The following FOXO1 variants were observed in gnomAD, a reference collection of about 807,000 sequenced individuals.
FOXO1 encodes the protein forkhead box protein O1.
Under a neutral mutation model 44.1 loss-of-function variants are expected in FOXO1, and 6 were observed. That is an observed-to-expected ratio of 0.14 (90% CI 0.07 to 0.27). FOXO1 has a LOEUF of 0.27. FOXO1 is among the 10% of genes least tolerant of loss of function. The pLI is 1.00. For missense variants in FOXO1, 737 were observed against 888.8 expected, an observed-to-expected ratio of 0.83 and a Z score of 2.17; for synonymous variants, 380 against 362.7, an observed-to-expected ratio of 1.05 and a Z score of -0.54.
chr13:40,556,882 T>C lies in FOXO1; in HGVS notation c.*2167A>G, dbSNP rs746707668. 5.3e-5 allele frequency: 8 copies of C among 152,296 alleles called. No individual in the cohort carries two copies. The highest frequency in any genetic ancestry group is 1.9e-4 in the East Asian group (1 of 5,184). 9.4% of individuals were successfully genotyped at this position (152,296 alleles called of 1,614,324 possible). Reference sequence around the variant, plus strand: ...GGAGGAAAGTGACAGTACGTAGTAATAGAAATTAGTACACAAGTACTTTGG... The same window carrying C: ...GGAGGAAAGTGACAGTACGTAGTAACAGAAATTAGTACACAAGTACTTTGG... On this transcript the variant is annotated 3_prime_UTR_variant, in exon 3 of 3. Coordinates refer to ENST00000379561, the MANE Select transcript of FOXO1 (RefSeq NM_002015.4).
chr13:40,633,739 A>G (rs1877052349), intron 1 of FOXO1, among the ~76,000 whole-genome samples: 1 of 152,218 alleles, frequency 6.6e-6, no homozygotes, highest in Non-Finnish European at 1.5e-5. Context: ...TTAAGTGGGT[A>G]AACTGTTATG....
At chr13:40,621,892 A>G (rs1411189938) in intron 1 of FOXO1, among the ~76,000 whole-genome samples, 1 of 152,206 alleles carries the variant, frequency 6.6e-6, no homozygotes, top group East Asian at 1.9e-4. Context: ...AGGTTAAAAT[A>G]TTCAGTGTAC....
chr13:40,612,037 C>A (rs1427778412), intron 1 of FOXO1, among the ~76,000 whole-genome samples: 1 of 152,148 alleles, frequency 6.6e-6, no homozygotes, highest in East Asian at 1.9e-4. Flanking sequence ...CCACTGCACT[C>A]CAGCGTGGGA....
intron 1 of FOXO1, among the ~76,000 whole-genome samples, chr13:40,608,791 T>G (rs1038508340): frequency 6.6e-6 from 1 of 152,224 alleles, no homozygotes; most frequent in African/African-American, 2.4e-5. Flanking sequence ...ACAAATGTTA[T>G]CCTTTCAGTG....
intron 1 of FOXO1, among the ~76,000 whole-genome samples, chr13:40,574,707 G>A (rs577840087): frequency 2.6e-5 from 4 of 152,248 alleles, no homozygotes; most frequent in East Asian, 3.9e-4. Context: ...TGATTACTGA[G>A]AAAACTAATT....
intron 1 of FOXO1, among the ~76,000 whole-genome samples, chr13:40,564,201 G>A (rs1176391556): frequency 6.6e-6 from 1 of 151,868 alleles, no homozygotes; most frequent in Non-Finnish European, 1.5e-5. Flanking sequence ...TAAAAAGACT[G>A]CAGGAGACAT....
intron 1 of FOXO1, among the ~76,000 whole-genome samples, chr13:40,632,431 A>G (rs1876997548): frequency 6.6e-6 from 1 of 152,178 alleles, no homozygotes; most frequent in Admixed American, 6.5e-5. Context: ...TGAGCCCCGG[A>G]GTTCGAGACC....
chr13:40,648,815 G>A lies in FOXO1; in HGVS notation c.630+16768C>T, dbSNP rs1475309375. ...ACCATAAATCCAAAAGCTTTAGCCT[G>A]ATGAAAGATAGAAGGGGCATTAAAA... On this transcript the variant is annotated intron_variant, in intron 1 of 2. Transcript: ENST00000379561. Among the ~76,000 whole-genome samples the A allele has an allele frequency of 3.9e-5, 6 of 152,296 alleles. 1 individual carries two copies. The highest frequency in any genetic ancestry group is 1.4e-4 in the African/African-American group (6 of 41,572).
chr13:40,581,832 A>C (rs1593387247), intron 1 of FOXO1, among the ~76,000 whole-genome samples: 2 of 152,228 alleles, frequency 1.3e-5, no homozygotes, highest in South Asian at 4.1e-4. Context: ...ACCTTAAATG[A>C]TAACATTTAT....
chr13:40,579,069 T>C (rs915198969), intron 1 of FOXO1, among the ~76,000 whole-genome samples: 5 of 152,208 alleles, frequency 3.3e-5, no homozygotes, highest in Non-Finnish European at 7.3e-5. Flanking sequence ...TTCTTGTCTA[T>C]AAAGTAGGAA....
At chr13:40,641,688 T>G (rs1566082992) in intron 1 of FOXO1, among the ~76,000 whole-genome samples, 2 of 152,040 alleles carry the variant, frequency 1.3e-5, no homozygotes, top group African/African-American at 2.4e-5. Flanking sequence ...AGACCTAGGT[T>G]AAAAACCCAC....
chr13:40,588,974 G>A (rs1001343827), intron 1 of FOXO1, among the ~76,000 whole-genome samples: 3 of 152,084 alleles, frequency 2.0e-5, no homozygotes, highest in Admixed American at 2.0e-4. Context: ...GCATAGTGGT[G>A]CATGCCTGTA....
chr13:40,574,564 G>A (rs765971318), intron 1 of FOXO1, among the ~76,000 whole-genome samples: 1 of 152,190 alleles, frequency 6.6e-6, no homozygotes, highest in Non-Finnish European at 1.5e-5. Flanking sequence ...TGGCTCTACT[G>A]TCACAGATAC....
At chr13:40,596,001 AACATTCAGT>A (rs1310729545) in intron 1 of FOXO1, among the ~76,000 whole-genome samples, 1 of 151,438 alleles carries the variant, frequency 6.6e-6, no homozygotes, top group Non-Finnish European at 1.5e-5. Context: ...TAAGTGTAAA[AACATTCAGT>A]ACATGGCATG....
intron 1 of FOXO1, among the ~76,000 whole-genome samples, chr13:40,622,568 G>A (rs1876651449): frequency 6.6e-6 from 1 of 152,052 alleles, no homozygotes; most frequent in Admixed American, 6.6e-5. Context: ...AGGCAAATCT[G>A]TCTTTCCCAA....
chr13:40,640,975 G>T (rs1259692684), intron 1 of FOXO1, among the ~76,000 whole-genome samples: 1 of 152,142 alleles, frequency 6.6e-6, no homozygotes, highest in Non-Finnish European at 1.5e-5. Context: ...GTAGAGACAA[G>T]ATTTCACCAT....
At position 40,666,158 on chromosome 13, in the gene FOXO1, G is replaced by T; in HGVS notation, c.55C>A (p.Arg19=). 6.8e-7 allele frequency: 1 copy of T among 1,461,414 alleles called. No homozygotes were observed. The highest frequency in any genetic ancestry group is 9.0e-7 in the Non-Finnish European group (1 of 1,109,850). The allele number at this position is 1,461,414 out of a possible 1,614,324, so 90.5% of individuals were successfully genotyped here. ...EIDPDFEPLP[R]PRSCTWPLPR... is the part of the protein sequence containing the mutation. ...AGCGGCCAGGTGCACGAGCGCGGCCGGGGCAGCGGCTCGAAGTCCGGGTCG... is the reference window on the plus strand; with the variant it reads ...AGCGGCCAGGTGCACGAGCGCGGCCTGGGCAGCGGCTCGAAGTCCGGGTCG... Residue 19 remains arginine (R), a synonymous_variant, in exon 1 of 3, where the codon CGG becomes AGG. Coordinates refer to ENST00000379561, the MANE Select transcript of FOXO1 (RefSeq NM_002015.4).
intron 1 of FOXO1, among the ~76,000 whole-genome samples, chr13:40,577,006 T>C (rs562680321): frequency 4.6e-5 from 7 of 152,236 alleles, no homozygotes; most frequent in Non-Finnish European, 1.0e-4. Flanking sequence ...AATGTAACCA[T>C]GGATTGTTCC....
chr13:40,600,724 ACTGT>A (rs943763554), intron 1 of FOXO1, among the ~76,000 whole-genome samples: 18 of 152,340 alleles, frequency 1.2e-4, no homozygotes, highest in African/African-American at 4.1e-4. Context: ...GAGCTTCCAA[ACTGT>A]CTAATTTAGT....
Sources: allele counts gnomAD v4.1 joint callset (sites outside exome capture counted in the v4.1 genomes callset), GRCh38; gene constraint gnomAD v4.1.1; transcripts MANE v1.5; gene names NCBI Gene and HGNC (gene_info 2026-07-23, HGNC 2026-07-21).